Variants in ANKRD10 observed in about 807,000 individuals in gnomAD.
ANKRD10 encodes ankyrin repeat domain-containing protein 10.
A neutral mutation model predicts 27.0 loss-of-function variants in ANKRD10; 14 were observed. That is an observed-to-expected ratio of 0.52 (90% CI 0.34 to 0.81). The LOEUF (loss-of-function observed/expected upper bound fraction) is 0.81, where lower values mean the gene tolerates loss of function less well. ANKRD10 is among the 40% of genes least tolerant of loss of function. The pLI, the probability that ANKRD10 is intolerant of heterozygous loss-of-function variation, is 0.01. For missense variants in ANKRD10, 493 were observed against 544.0 expected (o/e 0.91, Z 0.93); for synonymous variants, 250 against 224.5 (o/e 1.11, Z -1.01).
At chr13:110,896,451 T>C (rs2065229191) in intron 3 of ANKRD10, among the ~76,000 whole-genome samples, 1 of 152,222 alleles carries the variant, frequency 6.6e-6, no homozygotes, top group African/African-American at 2.4e-5. Context: ...CCACCATCTC[T>C]TGCCCCTGAA....
At chr13:110,914,434 C>T (rs949537952) in intron 1 of ANKRD10, 6 of 257,078 alleles carry the variant, frequency 2.3e-5, no homozygotes, top group Non-Finnish European at 3.6e-5. Context: ...CCTTGGAGCC[C>T]GCCTTGTTAG....
intron 1 of ANKRD10, among the ~76,000 whole-genome samples, chr13:110,911,076 G>A (rs371073243): frequency 9.8e-5 from 15 of 152,294 alleles, no homozygotes; most frequent in Non-Finnish European, 1.6e-4. Flanking sequence ...ATTGGACTGC[G>A]CTGTTCCAAG....
rs529803272 is a variant in ANKRD10, at chr13:110,887,491, G to T, written c.692-3698C>A. On this transcript the variant is annotated intron_variant, in intron 4 of 5. Coordinates refer to ENST00000267339, the MANE Select transcript of ANKRD10 (RefSeq NM_017664.4). ...TTGCCAGGCATGCCTGCAGATACAT[G>T]TAAGGCTTAGGAAAAATGCCTGATC... Among the ~76,000 whole-genome samples the T allele has an allele frequency of 3.9e-5, 6 of 152,280 alleles. No individual in the cohort carries two copies. The South Asian group carries it at 1.0e-3, about 26-fold the overall frequency.
chr13:110,906,148 T>A, intron 2 of ANKRD10, 24 bp from the exon 3 acceptor site: 1 of 1,547,546 alleles, frequency 6.5e-7, no homozygotes, highest in Non-Finnish European at 8.8e-7. Context: ...AAGCAAAATA[T>A]ACACATACTT....
At chr13:110,908,799 A>G (rs1480826322) in intron 2 of ANKRD10, among the ~76,000 whole-genome samples, 1 of 152,238 alleles carries the variant, frequency 6.6e-6, no homozygotes, top group East Asian at 1.9e-4. Flanking sequence ...TGTAAACTCC[A>G]CATGCCAGCA....
chr13:110,887,169 C>T (rs1180191028), intron 4 of ANKRD10, among the ~76,000 whole-genome samples: 4 of 152,166 alleles, frequency 2.6e-5, no homozygotes, highest in African/African-American at 9.7e-5. Context: ...GGGGCTGATG[C>T]CCAGGGCAAC....
chr13:110,909,348 CAGGGGACA>C (rs1566494156), intron 2 of ANKRD10, among the ~76,000 whole-genome samples: 2 of 152,136 alleles, frequency 1.3e-5, no homozygotes, highest in Admixed American at 1.3e-4. Context: ...CCCTTTCTAC[CAGGGGACA>C]GGGGTAGGGA....
chr13:110,899,394 C>T (rs567111852), intron 3 of ANKRD10, among the ~76,000 whole-genome samples: 52 of 152,318 alleles, frequency 3.4e-4, no homozygotes, highest in African/African-American at 5.1e-4. Context: ...TGACCTAAAA[C>T]GTGTGTCTGT....
At chr13:110,891,262 C>G (rs2138835577) in intron 4 of ANKRD10, among the ~76,000 whole-genome samples, 1 of 152,114 alleles carries the variant, frequency 6.6e-6, no homozygotes, top group Non-Finnish European at 1.5e-5. Flanking sequence ...AAGGAAATGA[C>G]AAAGGATTTT....
At chr13:110,911,689 G>A (rs772513558) in intron 1 of ANKRD10, 6 of 151,986 alleles carry the variant, frequency 3.9e-5, no homozygotes, top group Admixed American at 6.6e-5. Context: ...TGAGACAGGA[G>A]AATCACTTGA....
chr13:110,906,277 T>C (rs554684397), intron 2 of ANKRD10, among the ~76,000 whole-genome samples, 153 bp from the exon 3 acceptor site: 1 of 152,136 alleles, frequency 6.6e-6, no homozygotes, highest in African/African-American at 2.4e-5. Flanking sequence ...AAGAAATCTA[T>C]ACGTGAATGG....
At chr13:110,884,548 A>G (rs1304364233) in intron 4 of ANKRD10, among the ~76,000 whole-genome samples, 3 of 152,242 alleles carry the variant, frequency 2.0e-5, no homozygotes, top group Admixed American at 6.5e-5. Flanking sequence ...GATTCTAACA[A>G]ATCACTGTTA....
At chr13:110,898,750 C>CTTTTTTT (rs56176208) in intron 3 of ANKRD10, among the ~76,000 whole-genome samples, 6 of 106,550 alleles carry the variant, frequency 5.6e-5, no homozygotes, top group Admixed American at 1.1e-4. Flanking sequence ...TTTTTCTTTT[C>CTTTTTTT]TTTTTTTTTT....
chr13:110,889,435 C>CT (rs2065018767), intron 4 of ANKRD10, among the ~76,000 whole-genome samples: 1 of 152,192 alleles, frequency 6.6e-6, no homozygotes, highest in South Asian at 2.1e-4. Flanking sequence ...CCTATTATGT[C>CT]TTACGTTCTG....
At chr13:110,887,462 G>A (rs2064962093) in intron 4 of ANKRD10, among the ~76,000 whole-genome samples, 1 of 152,180 alleles carries the variant, frequency 6.6e-6, no homozygotes, top group South Asian at 2.1e-4. Flanking sequence ...AAACAGGACT[G>A]TAATTGCCAG....
intron 1 of ANKRD10, among the ~76,000 whole-genome samples, chr13:110,912,220 G>C (rs1375026914): frequency 6.6e-6 from 1 of 152,196 alleles, no homozygotes; most frequent in Non-Finnish European, 1.5e-5. Flanking sequence ...CTGACTGCAA[G>C]CAATTCTCTT....
Position 110,882,118 on chromosome 13 carries a change from C to A in ANKRD10, c.787+1580G>T, listed in dbSNP as rs1164219025. ...TCAGGATTTAGAAGCAAGCACCCTC[C>A]TATCCGAGCCCTTTCCAGGGGTGGG... On this transcript the variant is annotated intron_variant, in intron 5 of 5. Coordinates refer to ENST00000267339, the MANE Select transcript of ANKRD10 (RefSeq NM_017664.4). Among the ~76,000 whole-genome samples the A allele has an allele frequency of 2.0e-5, 3 of 152,204 alleles. No homozygotes were observed. The East Asian group carries it at 5.8e-4, about 29-fold the overall frequency.
At chr13:110,888,940 T>G (rs181355098) in intron 4 of ANKRD10, among the ~76,000 whole-genome samples, 62 of 152,340 alleles carry the variant, frequency 4.1e-4, no homozygotes, top group African/African-American at 1.5e-3. Flanking sequence ...GGGGCAAATG[T>G]CCCAATTGTG....
chr13:110,896,548 A>G (rs1425232627), intron 3 of ANKRD10, among the ~76,000 whole-genome samples: 1 of 152,194 alleles, frequency 6.6e-6, no homozygotes, highest in Non-Finnish European at 1.5e-5. Flanking sequence ...GTGGTCACTC[A>G]ACTGTGTAGT....
Sources: allele counts gnomAD v4.1 joint callset (sites outside exome capture counted in the v4.1 genomes callset), GRCh38; gene constraint gnomAD v4.1.1; transcripts MANE v1.5; gene names NCBI Gene and HGNC (gene_info 2026-07-23, HGNC 2026-07-21).